The following SS18L1 variants were observed in gnomAD, a reference collection of about 807,000 sequenced individuals.
The protein encoded by SS18L1 is SS18L1 subunit of BAF chromatin remodeling complex, also known as calcium-responsive transactivator.
A neutral mutation model predicts 70.3 loss-of-function variants in SS18L1; 32 were observed. The ratio of observed to expected loss-of-function variants is 0.46; its 90% CI spans 0.34 to 0.61. SS18L1 has a LOEUF of 0.61. SS18L1 is among the 20% of genes least tolerant of loss of function. The probability of loss-of-function intolerance (pLI) is 0.01; values close to 1 mark genes in which losing one functional copy is unlikely to be tolerated. For missense variants in SS18L1, 430 were observed against 542.1 expected (o/e 0.79, Z 2.05); for synonymous variants, 237 against 229.7 (o/e 1.03, Z -0.29).
At position 62,158,071 on chromosome 20, in the gene SS18L1, C is replaced by T. The variant is rs1004586998; in HGVS notation, c.70-601C>T. Among the ~76,000 whole-genome samples the T allele has an allele frequency of 3.3e-5, 5 of 152,136 alleles. No homozygotes were observed. Among genetic ancestry groups the T allele is most frequent in the South Asian group, 4.1e-4 (2 of 4,828 alleles). On this transcript the variant is annotated intron_variant, in intron 1 of 10. Coordinates refer to ENST00000331758, the MANE Select transcript of SS18L1 (RefSeq NM_198935.3). The surrounding 1 kb of genome is among the most constrained non-coding windows in gnomAD (Gnocchi z 4.5). The stretch of plus-strand genomic sequence containing the variant: ...TGCCCCACCCTGTGTGGTTGCAATT[C>T]GAGGCTATCCCCTCCAGCTAGGGGC...
In SS18L1 at chr20:62,169,102, C is replaced by T. The variant is rs74828104; in HGVS notation, c.917-3580C>T. On this transcript the variant is annotated intron_variant, in intron 8 of 10. Transcript: ENST00000331758. ...GGAGAGGGTGCGAGTCCCGCGTTCG[C>T]GTCACAGTGAGGTTTGCAGTGACGC... Among the ~76,000 whole-genome samples, 474 of 152,262 alleles carry T rather than the reference C, an allele frequency of 3.1e-3. 8 individuals are homozygous for T. The East Asian group carries it at 0.05, about 16-fold the overall frequency.
chr20:62,147,774 G>A (rs893733053), intron 1 of SS18L1, among the ~76,000 whole-genome samples: 5 of 152,158 alleles, frequency 3.3e-5, no homozygotes, highest in Non-Finnish European at 4.4e-5. Flanking sequence ...GGTTAGTGCC[G>A]TGCCCAGGGT....
chr20:62,166,743 G>A (rs189533525), intron 8 of SS18L1, among the ~76,000 whole-genome samples: 45 of 150,450 alleles, frequency 3.0e-4, no homozygotes, highest in African/African-American at 1.1e-3. Flanking sequence ...TGGCCAACAC[G>A]GTGAAACCCC....
rs918639301 is a variant in SS18L1 at position 62,161,113 on chromosome 20, T to C, written c.232-323T>C. ...TCACCTGCGCCCGAGGGGGACGGGGTGCGTTCAGCCTGGTGGGCCGGGAAA... is the reference window on the plus strand; with the variant it reads ...TCACCTGCGCCCGAGGGGGACGGGGCGCGTTCAGCCTGGTGGGCCGGGAAA... On this transcript the variant is annotated intron_variant, in intron 3 of 10. Coordinates refer to ENST00000331758, the MANE Select transcript of SS18L1 (RefSeq NM_198935.3). This position sits in a 1 kb window ranked among gnomAD's most constrained non-coding sequence, Gnocchi z 4.4. Among the ~76,000 whole-genome samples, 1 of 150,736 alleles carries C rather than the reference T, an allele frequency of 6.6e-6. No individual in the cohort carries two copies. The highest frequency in any genetic ancestry group is 2.4e-5 in the African/African-American group (1 of 40,980).
At chr20:62,163,732 C>T (rs1346172091) in intron 6 of SS18L1, 110 bp downstream of exon 6, 9 of 1,395,286 alleles carry the variant, frequency 6.5e-6, no homozygotes, top group Non-Finnish European at 8.5e-6. Flanking sequence ...GGCGGGGAGC[C>T]TGGGGGAGTG....
intron 10 of SS18L1, among the ~76,000 whole-genome samples, chr20:62,176,335 T>C (rs778205465): frequency 9.9e-5 from 15 of 151,766 alleles, no homozygotes; most frequent in Non-Finnish European, 1.9e-4. Context: ...CAGGGTAACA[T>C]AGCAAGACCT....
intron 10 of SS18L1, among the ~76,000 whole-genome samples, chr20:62,177,563 A>T (rs1303519526): frequency 6.6e-6 from 1 of 152,220 alleles, no homozygotes; most frequent in Non-Finnish European, 1.5e-5. Flanking sequence ...AGCTGGGGAC[A>T]CATGGAGAAC....
chr20:62,170,076 C>T (rs1266202587), intron 8 of SS18L1, among the ~76,000 whole-genome samples: 1 of 152,188 alleles, frequency 6.6e-6, no homozygotes, highest in African/African-American at 2.4e-5. Context: ...ACATGTTCCT[C>T]GTGGCTCATT....
In SS18L1 at chr20:62,177,006, C is replaced by T. The variant is rs574584648; in HGVS notation, c.1165-2176C>T. Among the ~76,000 whole-genome samples the T allele has an allele frequency of 1.2e-4, 19 of 152,306 alleles. 1 individual carries two copies. In the South Asian group the frequency reaches 2.3e-3, roughly 18 times the overall value. ...TGTGTTATGTTTGCAGCACCCCTGG[C>T]CTCCACCACGATGCCAGTAGCACCC... On this transcript the variant is annotated intron_variant, in intron 10 of 10. Transcript: ENST00000331758.
chr20:62,173,664 C>T (rs2057570758), intron 9 of SS18L1, among the ~76,000 whole-genome samples: 1 of 152,052 alleles, frequency 6.6e-6, no homozygotes, highest in East Asian at 1.9e-4. Flanking sequence ...GCCGAGATCA[C>T]ACCACTACAC....
intron 9 of SS18L1, among the ~76,000 whole-genome samples, chr20:62,173,847 C>G (rs1476418375): frequency 6.6e-6 from 1 of 151,860 alleles, no homozygotes; most frequent in East Asian, 1.9e-4. Context: ...GAGACCATCT[C>G]TACAAAAAAT....
chr20:62,164,040 T>C (rs2057381612), intron 6 of SS18L1, 105 bp from the exon 7 acceptor site: 2 of 933,518 alleles, frequency 2.1e-6, no homozygotes, highest in Non-Finnish European at 3.2e-6. Flanking sequence ...TCTCCTCGGG[T>C]GGGTGAGGCC....
intron 10 of SS18L1, among the ~76,000 whole-genome samples, chr20:62,175,654 A>G (rs1454301395): frequency 3.9e-5 from 6 of 152,180 alleles, no homozygotes; most frequent in Admixed American, 3.9e-4. Flanking sequence ...GACACTTTAC[A>G]CTGCCAGTGA....
chr20:62,162,893 A>G lies in SS18L1; in HGVS notation c.518A>G (p.Tyr173Cys), dbSNP rs762186500. The G allele has an allele frequency of 3.7e-6, 6 of 1,612,778 alleles. No homozygotes were observed. Among genetic ancestry groups the G allele is most frequent in the Middle Eastern group, 1.6e-4 (1 of 6,062 alleles). The change falls in exon 5 of 11, where the codon TAC (tyrosine) becomes TGC (cysteine). Residue 173 changes from tyrosine to cysteine, a missense_variant. Transcript: ENST00000331758. Reference protein sequence around the residue: ...PMQGQGTIGNYVSRTNINMQS... With the variant: ...PMQGQGTIGNCVSRTNINMQS... ...CAGGGGCAAGGCACCATCGGCAACT[A>G]CGTGTCTCGGACCAACATCAACATG...
Position 62,179,452 on chromosome 20 carries a change from G to A in SS18L1, c.*244G>A, listed in dbSNP as rs1284946239. ...AGTATTGTATGTCGGTACACGGAGA[G>A]GTATCCTTTTTTTGTCCCCCGCCCC... On this transcript the variant is annotated 3_prime_UTR_variant, in exon 11 of 11. Transcript: ENST00000331758. The A allele has an allele frequency of 5.4e-6, 3 of 551,478 alleles. No homozygotes were observed. Among genetic ancestry groups the A allele is most frequent in the Non-Finnish European group, 9.7e-6 (3 of 308,382 alleles). The allele number at this position is 551,478 out of a possible 1,614,324, so 34.2% of individuals were successfully genotyped here.
chr20:62,164,653 G>T (rs140906055), intron 7 of SS18L1, among the ~76,000 whole-genome samples: 111 of 152,340 alleles, frequency 7.3e-4, no homozygotes, highest in Middle Eastern at 3.4e-3. Flanking sequence ...CTCTCCTCCT[G>T]CACCTTCTCA....
intron 1 of SS18L1, among the ~76,000 whole-genome samples, chr20:62,148,052 C>T (rs112157360): frequency 6.6e-6 from 1 of 152,208 alleles, no homozygotes; most frequent in Non-Finnish European, 1.5e-5. Context: ...GCCGAGCCTC[C>T]CTTGCATGTG....
intron 8 of SS18L1, among the ~76,000 whole-genome samples, chr20:62,167,589 C>T (rs924413117): frequency 6.6e-6 from 1 of 152,100 alleles, no homozygotes; most frequent in African/African-American, 2.4e-5. Context: ...GGCCAGCACC[C>T]AGAGGCTATC....
chr20:62,152,947 C>T (rs1271222108), intron 1 of SS18L1, among the ~76,000 whole-genome samples: 2 of 152,196 alleles, frequency 1.3e-5, no homozygotes, highest in Admixed American at 1.3e-4. Flanking sequence ...CATCAGGAGT[C>T]AAGAAGCACC....
Sources: allele counts gnomAD v4.1 joint callset (sites outside exome capture counted in the v4.1 genomes callset), GRCh38; gene constraint gnomAD v4.1.1; non-coding constraint Gnocchi (gnomAD v3.1); transcripts MANE v1.5; gene names NCBI Gene and HGNC (gene_info 2026-07-23, HGNC 2026-07-21).